PTPRT: variants seen among roughly 807,000 people sequenced by gnomAD.
PTPRT encodes the protein receptor-type tyrosine-protein phosphatase T.
Under a neutral mutation model 176.8 loss-of-function variants are expected in PTPRT, and 56 were observed. The observed-to-expected ratio is 0.32, with a 90% CI of 0.26 to 0.40. The LOEUF (loss-of-function observed/expected upper bound fraction) is 0.40. PTPRT is among the 10% of genes least tolerant of loss of function. The probability of loss-of-function intolerance (pLI) is 1.00; values close to 1 mark genes in which losing one functional copy is unlikely to be tolerated. For synonymous variants in PTPRT, 783 were observed against 739.0 expected (o/e 1.06, Z -0.96); for missense variants, 1,540 against 1,908.2 (o/e 0.81, Z 3.60).
intron 6 of PTPRT, among the ~76,000 whole-genome samples, chr20:42,703,068 A>G (rs1315926502): frequency 6.6e-6 from 1 of 152,228 alleles, no homozygotes. Context: ...CCCATAGTTT[A>G]GGGATGGACA....
At chr20:42,871,433 A>T (rs531208294) in intron 2 of PTPRT, among the ~76,000 whole-genome samples, 128 of 152,240 alleles carry the variant, frequency 8.4e-4, no homozygotes, top group Non-Finnish European at 1.3e-3. Context: ...CCCATTCCAC[A>T]GGTTGTCTTT....
At chr20:42,709,568 G>C (rs1174900233) in intron 6 of PTPRT, among the ~76,000 whole-genome samples, 1 of 152,128 alleles carries the variant, frequency 6.6e-6, no homozygotes, top group East Asian at 1.9e-4. Flanking sequence ...TAGCCAAATA[G>C]ACCTTTTTTC....
At chr20:42,685,283 C>T (rs2075672760) in intron 6 of PTPRT, 1 of 152,182 alleles carries the variant, frequency 6.6e-6, no homozygotes, top group Non-Finnish European at 1.5e-5. Flanking sequence ...TAGAGAAAAA[C>T]TGCTTGAAGA....
At chr20:42,874,815 CATGTT>C (rs936384332) in intron 2 of PTPRT, among the ~76,000 whole-genome samples, 3 of 152,188 alleles carry the variant, frequency 2.0e-5, no homozygotes, top group African/African-American at 7.2e-5. Context: ...GTGGTATACA[CATGTT>C]AGGTTAAAAG....
At chr20:42,770,315 A>T (rs941850204) in intron 5 of PTPRT, among the ~76,000 whole-genome samples, 11 of 152,194 alleles carry the variant, frequency 7.2e-5, no homozygotes, top group African/African-American at 2.7e-4. Flanking sequence ...AATTATTTTC[A>T]TGTCAAATCA....
chr20:42,233,263 CT>C (rs2056172857), intron 15 of PTPRT, among the ~76,000 whole-genome samples: 1 of 152,148 alleles, frequency 6.6e-6, no homozygotes, highest in African/African-American at 2.4e-5. Flanking sequence ...CCATGGGATG[CT>C]TTTGCTTGGG....
chr20:42,053,425 C>G, the PTPRT span, among the ~76,000 whole-genome samples: 1 of 152,176 alleles, frequency 6.6e-6, no homozygotes, highest in Admixed American at 6.5e-5. Flanking sequence ...ATTTGGGAAC[C>G]TCTGGGGACC....
intron 8 of PTPRT, among the ~76,000 whole-genome samples, chr20:42,450,326 G>A (rs1338154776): frequency 6.6e-6 from 1 of 152,198 alleles, no homozygotes; most frequent in East Asian, 1.9e-4. Flanking sequence ...TTGCCTTTCA[G>A]AAAGTTTGTA....
At chr20:42,478,198 T>C (rs983581013) in intron 7 of PTPRT, among the ~76,000 whole-genome samples, 2 of 152,090 alleles carry the variant, frequency 1.3e-5, no homozygotes, top group African/African-American at 4.8e-5. Context: ...GGGAGAGATG[T>C]TGTTGGGTGA....
chr20:42,099,561 T>TG (rs752853675), intron 26 of PTPRT, among the ~76,000 whole-genome samples: 2 of 17,532 alleles, frequency 1.1e-4, no homozygotes, highest in African/African-American at 2.4e-4. Context: ...GGGGGGGGGG[T>TG]GGGGTGGTCT....
intron 6 of PTPRT, among the ~76,000 whole-genome samples, chr20:42,696,458 A>AT (rs3091864): frequency 0.055 from 4,591 of 83,338 alleles, 233 homozygotes; most frequent in African/African-American, 0.21. Flanking sequence ...CACATGAATT[A>AT]TTTTTTTTTT....
At chr20:42,721,491 GC>G (rs926231240) in intron 6 of PTPRT, among the ~76,000 whole-genome samples, 3 of 152,222 alleles carry the variant, frequency 2.0e-5, no homozygotes, top group African/African-American at 7.2e-5. Context: ...TCAGACAAGG[GC>G]TGGGGAGGGA....
At chr20:42,802,270 A>C (rs954554279) in intron 2 of PTPRT, among the ~76,000 whole-genome samples, 2 of 152,190 alleles carry the variant, frequency 1.3e-5, no homozygotes, top group Admixed American at 1.3e-4. Context: ...GCAGGGGCCC[A>C]AAAATTTGGG....
At chr20:42,470,304 TA>T (rs1285754121) in intron 8 of PTPRT, among the ~76,000 whole-genome samples, 3 of 152,188 alleles carry the variant, frequency 2.0e-5, no homozygotes, top group Non-Finnish European at 4.4e-5. Flanking sequence ...CTTCCTTGCC[TA>T]ACTTAGGACA....
intron 1 of PTPRT, among the ~76,000 whole-genome samples, chr20:43,117,116 T>C (rs915982081): frequency 2.0e-5 from 3 of 152,042 alleles, no homozygotes; most frequent in African/African-American, 2.4e-5. Flanking sequence ...AGCAGAGACA[T>C]GCGCTGCTTC....
intron 1 of PTPRT, among the ~76,000 whole-genome samples, chr20:42,886,308 C>T (rs2079102451): frequency 6.6e-6 from 1 of 152,142 alleles, no homozygotes; most frequent in Admixed American, 6.5e-5. Flanking sequence ...GGAAGGAGCA[C>T]TCACTTCCCA....
At chr20:42,785,021 A>G (rs2077268416) in intron 3 of PTPRT, among the ~76,000 whole-genome samples, 1 of 152,224 alleles carries the variant, frequency 6.6e-6, no homozygotes, top group African/African-American at 2.4e-5. Context: ...TTCTCACTAT[A>G]CAAAAAAAGT....
chr20:42,874,223 G>A (rs963671714), intron 2 of PTPRT, among the ~76,000 whole-genome samples: 10 of 152,104 alleles, frequency 6.6e-5, no homozygotes, highest in Admixed American at 3.9e-4. Context: ...CTTGAAGAAC[G>A]TCATCTCTGT....
chr20:42,731,944 T>C (rs2076467542), intron 6 of PTPRT, among the ~76,000 whole-genome samples: 1 of 152,188 alleles, frequency 6.6e-6, no homozygotes, highest in East Asian at 1.9e-4. Flanking sequence ...AAATGTCTCT[T>C]CCTCCAAGAA....
Sources: allele counts gnomAD v4.1 joint callset (sites outside exome capture counted in the v4.1 genomes callset), GRCh38; gene constraint gnomAD v4.1.1; transcripts MANE v1.5; gene names NCBI Gene and HGNC (gene_info 2026-07-23, HGNC 2026-07-21).